Variants in RAB3C observed in about 807,000 individuals in gnomAD.
RAB3C encodes the protein RAB3C, member RAS oncogene family, also known as ras-related protein Rab-3C.
A neutral mutation model predicts 26.4 loss-of-function variants in RAB3C; 17 were observed. The ratio of observed to expected loss-of-function variants is 0.64; its 90% confidence interval spans 0.44 to 0.97. The LOEUF (loss-of-function observed/expected upper bound fraction) is 0.97, where lower values mean the gene tolerates loss of function less well. Among genes scored for constraint, RAB3C ranks in the 50% least tolerant of loss-of-function variants. RAB3C has a pLI of 0.00. For synonymous variants in RAB3C, 91 were observed against 95.9 expected (o/e 0.95, Z 0.30); for missense variants, 242 against 281.9 (o/e 0.86, Z 1.01).
Position 58,703,062 on chromosome 5 carries a change from T to G in RAB3C, c.253-22940T>G, listed in dbSNP as rs530304684. On this transcript the variant is annotated intron_variant, in intron 2 of 4. Coordinates refer to ENST00000282878, the MANE Select transcript of RAB3C (RefSeq NM_138453.4). ...AAGATGACTTCCATGAAAAGAAATG[T>G]AAATAACGTTTAATAAAATAAGTAA... Among the ~76,000 whole-genome samples, 15 of 152,356 alleles carry G rather than the reference T, an allele frequency of 9.8e-5. 1 individual carries two copies. The South Asian group carries it at 3.1e-3, about 32-fold the overall frequency.
intron 4 of RAB3C, among the ~76,000 whole-genome samples, chr5:58,832,335 C>A (rs1174238216): frequency 1.3e-5 from 2 of 152,146 alleles, no homozygotes; most frequent in African/African-American, 4.8e-5. Flanking sequence ...AATAAATGAG[C>A]CAAAGATTCT....
chr5:58,814,210 C>T (rs528543440), intron 3 of RAB3C, among the ~76,000 whole-genome samples: 10 of 152,324 alleles, frequency 6.6e-5, no homozygotes, highest in African/African-American at 2.2e-4. Context: ...TTAATACCCT[C>T]TTCCCCTTTT....
intron 2 of RAB3C, among the ~76,000 whole-genome samples, chr5:58,685,643 C>A (rs1218479552): frequency 6.6e-6 from 1 of 152,138 alleles, no homozygotes; most frequent in Non-Finnish European, 1.5e-5. Flanking sequence ...CTGGCTCAAG[C>A]TGACATTAGT....
At chr5:58,663,567 G>T (rs1460367945) in intron 2 of RAB3C, among the ~76,000 whole-genome samples, 2 of 147,848 alleles carry the variant, frequency 1.4e-5, no homozygotes, top group East Asian at 3.8e-4. Context: ...TTATTCAAAT[G>T]TAACTATTAG....
At chr5:58,682,414 G>T (rs1426973808) in intron 2 of RAB3C, among the ~76,000 whole-genome samples, 1 of 152,146 alleles carries the variant, frequency 6.6e-6, no homozygotes, top group Admixed American at 6.5e-5. Flanking sequence ...GCTGGGCGTG[G>T]TGGCTCACAC....
chr5:58,585,351 C>T (rs969507660), intron 1 of RAB3C, among the ~76,000 whole-genome samples: 13 of 152,024 alleles, frequency 8.6e-5, no homozygotes, highest in African/African-American at 2.2e-4. Flanking sequence ...TCACATTTCA[C>T]GTGACTTTGA....
intron 4 of RAB3C, among the ~76,000 whole-genome samples, chr5:58,831,550 A>G (rs1485059198): frequency 6.6e-6 from 1 of 152,214 alleles, no homozygotes; most frequent in Non-Finnish European, 1.5e-5. Flanking sequence ...ATTGTACAGC[A>G]ATTTTTCAGT....
At position 58,816,413 on chromosome 5, in the gene RAB3C, T is replaced by C. The variant is rs146219260; in HGVS notation, c.372-8625T>C. Among the ~76,000 whole-genome samples the C allele has an allele frequency of 5.3e-5, 8 of 152,276 alleles. No individual in the cohort carries two copies. In the East Asian group the frequency reaches 1.4e-3, roughly 26 times the overall value. The stretch of plus-strand genomic sequence containing the variant: ...TCTATACTCCAACTTCTGTCAGTCA[T>C]TGGCTCAGGTCTGCTCCTGAGTGTG... On this transcript the variant is annotated intron_variant, in intron 3 of 4. Transcript: ENST00000282878.
rs532549032 is a variant in RAB3C at position 58,825,401 on chromosome 5, A to C, written c.496+239A>C. Among the ~76,000 whole-genome samples, 4 of 152,310 alleles carry C rather than the reference A, an allele frequency of 2.6e-5. No homozygotes were observed. The South Asian group carries it at 8.3e-4, about 32-fold the overall frequency. On this transcript the variant is annotated intron_variant, in intron 4 of 4. Coordinates refer to ENST00000282878, the MANE Select transcript of RAB3C (RefSeq NM_138453.4). ...ATACTCAGAATTTTGGTCTTAGTAC[A>C]AGGTATTTAAATTCTTATTCCATGA...
chr5:58,820,293 C>G (rs1043595081), intron 3 of RAB3C, among the ~76,000 whole-genome samples: 1 of 151,608 alleles, frequency 6.6e-6, no homozygotes, highest in Non-Finnish European at 1.5e-5. Context: ...TAATTTGCTA[C>G]ATCCTTTTGT....
At chr5:58,766,906 T>G (rs571671892) in intron 3 of RAB3C, among the ~76,000 whole-genome samples, 4 of 151,416 alleles carry the variant, frequency 2.6e-5, no homozygotes, top group African/African-American at 9.7e-5. Context: ...AGGTGAGGAG[T>G]CTAAGTACCA....
At chr5:58,614,515 T>G (rs1402951527) in intron 1 of RAB3C, among the ~76,000 whole-genome samples, 1 of 151,994 alleles carries the variant, frequency 6.6e-6, no homozygotes, top group East Asian at 1.9e-4. Flanking sequence ...CAAGAGTAAG[T>G]GAGTTAATAA....
intron 4 of RAB3C, among the ~76,000 whole-genome samples, chr5:58,838,647 GA>G (rs35643010): frequency 0.52 from 79,272 of 151,856 alleles, 21,213 homozygotes; most frequent in Middle Eastern, 0.68. Context: ...ACATGCTGAT[GA>G]AAAAAATATG....
chr5:58,718,664 G>A (rs1434374562), intron 2 of RAB3C, among the ~76,000 whole-genome samples: 1 of 152,044 alleles, frequency 6.6e-6, no homozygotes. Flanking sequence ...GAAAAGGTTG[G>A]ATAAAGGACA....
intron 2 of RAB3C, among the ~76,000 whole-genome samples, chr5:58,714,957 T>A (rs1404223299): frequency 1.3e-5 from 2 of 151,958 alleles, no homozygotes; most frequent in African/African-American, 4.8e-5. Context: ...AGGATTCTGA[T>A]CCACTGTATC....
At chr5:58,789,518 G>A (rs1742472052) in intron 3 of RAB3C, among the ~76,000 whole-genome samples, 1 of 152,100 alleles carries the variant, frequency 6.6e-6, no homozygotes, top group Non-Finnish European at 1.5e-5. Context: ...TTTATCTAGA[G>A]TCTTCTGAAA....
At chr5:58,652,775 G>C (rs1411345811) in intron 2 of RAB3C, among the ~76,000 whole-genome samples, 2 of 151,156 alleles carry the variant, frequency 1.3e-5, no homozygotes, top group African/African-American at 4.8e-5. Context: ...CAGTACCTTG[G>C]CTTTAATTAC....
At chr5:58,724,911 C>T (rs1189855174) in intron 2 of RAB3C, among the ~76,000 whole-genome samples, 1 of 151,806 alleles carries the variant, frequency 6.6e-6, no homozygotes, top group Admixed American at 6.6e-5. Context: ...TAACAGGTTG[C>T]TGTAACTACT....
At chr5:58,587,198 A>G (rs1214188458) in intron 1 of RAB3C, among the ~76,000 whole-genome samples, 1 of 152,188 alleles carries the variant, frequency 6.6e-6, no homozygotes, top group African/African-American at 2.4e-5. Flanking sequence ...TGAAACTGCA[A>G]AATTATCATA....
Sources: gnomAD v4.1 joint callset for allele counts (sites outside exome capture counted in the v4.1 genomes callset) on GRCh38, gnomAD v4.1.1 for gene constraint, MANE v1.5 for transcripts, NCBI Gene and HGNC (gene_info 2026-07-23, HGNC 2026-07-21) for gene names.